Variants in DPP6 observed in about 807,000 individuals in gnomAD.
The protein encoded by DPP6 is A-type potassium channel modulatory protein DPP6.
A neutral mutation model predicts 122.6 loss-of-function variants in DPP6; 69 were observed. That is an observed-to-expected ratio of 0.56 (90% confidence interval 0.46 to 0.69). DPP6 has a LOEUF of 0.69. Ranked by LOEUF, DPP6 falls within the 30% of genes least tolerant of loss-of-function variation. DPP6 has a pLI of 0.00. For synonymous variants in DPP6, 418 were observed against 433.1 expected (o/e 0.97, Z 0.43); for missense variants, 928 against 1,116.9 (o/e 0.83, Z 2.41).
At chr7:154,667,298 GT>G (rs1838227066) in intron 6 of DPP6, among the ~76,000 whole-genome samples, 1 of 152,094 alleles carries the variant, frequency 6.6e-6, no homozygotes, top group Non-Finnish European at 1.5e-5. Flanking sequence ...TCATGCAAAA[GT>G]TTTATGTTTT....
intron 1 of DPP6, among the ~76,000 whole-genome samples, chr7:154,409,228 G>A (rs371304611): frequency 6.6e-6 from 1 of 152,090 alleles, no homozygotes; most frequent in East Asian, 1.9e-4. Context: ...TTAAAATGAG[G>A]TCATATGAAT....
the DPP6 span, among the ~76,000 whole-genome samples, chr7:153,846,832 A>T: frequency 2.6e-5 from 4 of 151,544 alleles, no homozygotes; most frequent in Non-Finnish European, 5.9e-5. Flanking sequence ...AGCTGGGACT[A>T]CAGGCACCTG....
chr7:154,099,183 CTGCCTT>C (rs1243741903), intron 1 of DPP6, among the ~76,000 whole-genome samples: 3 of 152,170 alleles, frequency 2.0e-5, no homozygotes, highest in Admixed American at 2.0e-4. Context: ...CTCTATTATC[CTGCCTT>C]TATGTGGAAT....
At chr7:154,010,350 G>A (rs1256104261) in intron 1 of DPP6, among the ~76,000 whole-genome samples, 2 of 152,184 alleles carry the variant, frequency 1.3e-5, no homozygotes, top group Non-Finnish European at 2.9e-5. Flanking sequence ...GAGGGCTCTG[G>A]CATGTTGCAA....
intron 1 of DPP6, among the ~76,000 whole-genome samples, chr7:154,148,052 C>A (rs1190052512): frequency 8.0e-5 from 12 of 149,626 alleles, no homozygotes; most frequent in Admixed American, 5.9e-4. Context: ...ATTTTAGGAG[C>A]CAGAGCGGAC....
chr7:154,358,471 A>T (rs2151092978), intron 1 of DPP6, among the ~76,000 whole-genome samples: 1 of 152,342 alleles, frequency 6.6e-6, no homozygotes, highest in South Asian at 2.1e-4. Context: ...CGTATTACAA[A>T]GAAACCCTAA....
chr7:154,173,846 G>C (rs927944748), intron 1 of DPP6, among the ~76,000 whole-genome samples: 2 of 152,132 alleles, frequency 1.3e-5, no homozygotes, highest in Non-Finnish European at 2.9e-5. Context: ...GGGACATCCG[G>C]GGCCTTTGAC....
intron 1 of DPP6, among the ~76,000 whole-genome samples, chr7:154,045,943 C>A (rs1799999202): frequency 6.6e-6 from 1 of 152,080 alleles, no homozygotes; most frequent in African/African-American, 2.4e-5. Context: ...GAAGCATGGA[C>A]TTGACCATGC....
intron 1 of DPP6, among the ~76,000 whole-genome samples, chr7:153,942,349 CCTT>C (rs1409010501): frequency 3.3e-5 from 5 of 152,178 alleles, no homozygotes; most frequent in African/African-American, 4.8e-5. Context: ...ATACCCAAAA[CCTT>C]CTTAAGAGGG....
chr7:154,312,775 C>G (rs144036323), intron 1 of DPP6, among the ~76,000 whole-genome samples: 2,040 of 152,256 alleles, frequency 0.013, 20 homozygotes, highest in Non-Finnish European at 0.019. Flanking sequence ...GTAATTCATT[C>G]TCTTAAAAAG....
At chr7:154,771,784 C>T (rs1322019941) in intron 9 of DPP6, among the ~76,000 whole-genome samples, 1 of 152,212 alleles carries the variant, frequency 6.6e-6, no homozygotes, top group Admixed American at 6.5e-5. Flanking sequence ...ACTCCTTTTT[C>T]AGCTAACCTT....
rs981519428 is a variant in DPP6 at position 154,821,737 on chromosome 7, G to T, written c.1666+14625G>T. Among the ~76,000 whole-genome samples the T allele has an allele frequency of 1.3e-5, 2 of 149,076 alleles. No individual in the cohort carries two copies. The highest frequency in any genetic ancestry group is 1.3e-4 in the Admixed American group (2 of 14,910). On this transcript the variant is annotated intron_variant, in intron 16 of 25. Coordinates refer to ENST00000377770, the MANE Select transcript of DPP6 (RefSeq NM_130797.4). The surrounding 1 kb of genome is among the most constrained non-coding windows in gnomAD (Gnocchi z 4.2). ...ATATACAGAAAAAACATGGTGTTTT[G>T]TTAGTATTAAAATGTTTCCTCAAGT...
At chr7:154,224,957 A>T (rs1261638037) in intron 1 of DPP6, among the ~76,000 whole-genome samples, 1 of 152,152 alleles carries the variant, frequency 6.6e-6, no homozygotes, top group Non-Finnish European at 1.5e-5. Flanking sequence ...AACCTGGCCA[A>T]CATGGTGAAC....
intron 7 of DPP6, among the ~76,000 whole-genome samples, chr7:154,725,993 C>A (rs1335889676): frequency 6.6e-6 from 1 of 152,192 alleles, no homozygotes; most frequent in Non-Finnish European, 1.5e-5. Context: ...AAAATGATCT[C>A]CATTGACTCC....
rs546549814 is a variant in DPP6, at chr7:154,645,227, G to A, written c.680+7354G>A. On this transcript the variant is annotated intron_variant, in intron 6 of 25. Coordinates refer to ENST00000377770, the MANE Select transcript of DPP6 (RefSeq NM_130797.4). ...ACTACAGGCGCCCACCACCACGCCC[G>A]GCTAATTTTTTGTATTTTTAGTAGA... Among the ~76,000 whole-genome samples, 1,234 of 151,686 alleles carry A rather than the reference G, an allele frequency of 8.1e-3. 17 individuals are homozygous for A. The highest frequency in any genetic ancestry group is 0.041 in the Middle Eastern group (12 of 292).
chr7:154,102,953 C>T (rs567363600), intron 1 of DPP6, among the ~76,000 whole-genome samples: 1 of 152,188 alleles, frequency 6.6e-6, no homozygotes, highest in East Asian at 1.9e-4. Context: ...AACAGGGTGT[C>T]CTCTGAGGGC....
chr7:154,493,243 C>G (rs1824442127), intron 3 of DPP6, among the ~76,000 whole-genome samples: 1 of 152,120 alleles, frequency 6.6e-6, no homozygotes, highest in Non-Finnish European at 1.5e-5. Flanking sequence ...GCTTTTGGGT[C>G]AAGCATGACT....
intron 1 of DPP6, among the ~76,000 whole-genome samples, chr7:154,286,824 T>C (rs1804884626): frequency 6.6e-6 from 1 of 151,794 alleles, no homozygotes; most frequent in Admixed American, 6.6e-5. Context: ...TTTTTTTCTT[T>C]TGAGACAGTC....
chr7:153,877,139 C>T, the DPP6 span, among the ~76,000 whole-genome samples: 3 of 151,860 alleles, frequency 2.0e-5, no homozygotes, highest in East Asian at 1.9e-4. Flanking sequence ...AAAAAAAACC[C>T]TTTTCTTTTT....
Sources: allele counts gnomAD v4.1 joint callset (sites outside exome capture counted in the v4.1 genomes callset), GRCh38; gene constraint gnomAD v4.1.1; non-coding constraint Gnocchi (gnomAD v3.1); transcripts MANE v1.5; gene names NCBI Gene and HGNC (gene_info 2026-07-23, HGNC 2026-07-21).